ARNT2: variants seen among roughly 807,000 people sequenced by gnomAD.
ARNT2 encodes the protein ARNT protein 2.
ARNT2 carries 36 observed loss-of-function variants against 91.7 expected under a neutral mutation model. The ratio of observed to expected loss-of-function variants is 0.39; its 90% CI spans 0.30 to 0.52. ARNT2 has a LOEUF of 0.52. Among genes scored for constraint, ARNT2 ranks in the 20% least tolerant of loss-of-function variants. The probability of loss-of-function intolerance (pLI) is 0.72; values close to 1 mark genes in which losing one functional copy is unlikely to be tolerated. For synonymous variants in ARNT2, 365 were observed against 347.1 expected (o/e 1.05, Z -0.57); for missense variants, 775 against 939.3 (o/e 0.83, Z 2.29).
At chr15:80,474,778 G>A (rs1896776104) in intron 4 of ARNT2, among the ~76,000 whole-genome samples, 1 of 151,936 alleles carries the variant, frequency 6.6e-6, no homozygotes, top group Admixed American at 6.6e-5. Context: ...CCCAACAAAG[G>A]ACTAATGAAG....
rs1026050813 is a variant in ARNT2 at position 80,407,103 on chromosome 15, T to C, written c.31+2557T>C. Among the ~76,000 whole-genome samples, 18 of 152,298 alleles carry C rather than the reference T, an allele frequency of 1.2e-4. 2 individuals carry two copies. Among genetic ancestry groups the C allele is most frequent in the Admixed American group, 7.2e-4 (11 of 15,292 alleles). On this transcript the variant is annotated intron_variant, in intron 1 of 18. Transcript: ENST00000303329. The stretch of plus-strand genomic sequence containing the variant: ...TCTTCCTGCCTCCTTTCCCCAGATA[T>C]GGTTGCTTTGCAAAGAATAAGAGCT...
chr15:80,474,969 T>C, intron 4 of ARNT2, 41 bp from the exon 5 acceptor site: 1 of 1,594,358 alleles, frequency 6.3e-7, no homozygotes, highest in Non-Finnish European at 8.6e-7. Flanking sequence ...TCATCCTGGG[T>C]CTGTCAGTGT....
At position 80,461,176 on chromosome 15, in the gene ARNT2, A is replaced by ATTG. The variant is rs796852685; in HGVS notation, c.194+3202_194+3204dup. ...GTAAAAACTTTAGACCCCATTTGAG[A>ATTG]TTGTGGACCACCAATGTGAGGTGGC... is the stretch of plus-strand genomic sequence containing the variant. On this transcript the variant is annotated intron_variant, in intron 3 of 18. Coordinates refer to ENST00000303329, the MANE Select transcript of ARNT2 (RefSeq NM_014862.4). Among the ~76,000 whole-genome samples the ATTG allele has an allele frequency of 3.3e-5, 5 of 152,306 alleles. No homozygotes were observed. In the South Asian group the frequency reaches 8.3e-4, roughly 25 times the overall value.
chr15:80,528,190 G>A lies in ARNT2; in HGVS notation c.877+13785G>A, dbSNP rs532384330. Among the ~76,000 whole-genome samples, 234 of 152,212 alleles carry A rather than the reference G, an allele frequency of 1.5e-3. 2 individuals carry two copies. The highest frequency in any genetic ancestry group is 3.9e-3 in the African/African-American group (164 of 41,524). ...GACTGGGATGAAGTAGGCCACAGGCGGGGGTGGCAAGGACCACAGCTGGCG... is the reference window on the plus strand; with the variant it reads ...GACTGGGATGAAGTAGGCCACAGGCAGGGGTGGCAAGGACCACAGCTGGCG... On this transcript the variant is annotated intron_variant, in intron 8 of 18. Coordinates refer to ENST00000303329, the MANE Select transcript of ARNT2 (RefSeq NM_014862.4).
intron 18 of ARNT2, among the ~76,000 whole-genome samples, chr15:80,592,360 C>T (rs1893294722): frequency 6.6e-6 from 1 of 152,230 alleles, no homozygotes; most frequent in African/African-American, 2.4e-5. Flanking sequence ...AACATTCCTA[C>T]TGGAAGGCTT....
At chr15:80,476,236 A>G (rs1259803800) in intron 5 of ARNT2, among the ~76,000 whole-genome samples, 19 of 152,172 alleles carry the variant, frequency 1.2e-4, no homozygotes, top group Non-Finnish European at 5.9e-5. Context: ...GGAGAGTTTT[A>G]ACTCCAAATG....
intron 1 of ARNT2, among the ~76,000 whole-genome samples, chr15:80,412,378 C>T (rs1045626371): frequency 3.3e-5 from 5 of 152,186 alleles, no homozygotes; most frequent in Non-Finnish European, 5.9e-5. Context: ...TTTTCCCCCA[C>T]AATAAAGATC....
chr15:80,438,095 T>C (rs1356068653), intron 1 of ARNT2, among the ~76,000 whole-genome samples: 1 of 152,318 alleles, frequency 6.6e-6, no homozygotes, highest in South Asian at 2.1e-4. Flanking sequence ...AATGAAAATA[T>C]GACATTCTAA....
chr15:80,557,912 A>T (rs1197118831), intron 11 of ARNT2, among the ~76,000 whole-genome samples: 1 of 152,228 alleles, frequency 6.6e-6, no homozygotes, highest in Non-Finnish European at 1.5e-5. Flanking sequence ...TACTTAAAAC[A>T]TGCCAACAGG....
intron 2 of ARNT2, 30 bp downstream of exon 2, chr15:80,451,024 G>T: frequency 1.9e-6 from 3 of 1,596,570 alleles, no homozygotes; most frequent in Non-Finnish European, 2.6e-6. Context: ...CCAGGAATTG[G>T]CTTAATAAAT....
At chr15:80,435,550 C>A (rs141087092) in intron 1 of ARNT2, among the ~76,000 whole-genome samples, 1 of 152,280 alleles carries the variant, frequency 6.6e-6, no homozygotes, top group Non-Finnish European at 1.5e-5. Context: ...CTGCCCCCCT[C>A]CCATGCACAT....
chr15:80,491,467 G>A (rs533075189), intron 5 of ARNT2, among the ~76,000 whole-genome samples: 35 of 152,192 alleles, frequency 2.3e-4, no homozygotes, highest in Non-Finnish European at 2.9e-4. Context: ...TCCCTTCAAC[G>A]ACATGTGGGA....
rs1024330149 is a variant in ARNT2 at position 80,430,154 on chromosome 15, AG to A, written c.32-20724del. 2.4e-4 allele frequency among the ~76,000 whole-genome samples: 37 copies of A among 152,074 alleles called. 3 individuals are homozygous for A. The highest frequency in any genetic ancestry group is 4.4e-5 in the Non-Finnish European group (3 of 67,998). ...TTCCTGGTGCCACCCAGAGCTTCCT[AG>A]GTCCTCTGACTTGATACCACAGCTA... On this transcript the variant is annotated intron_variant, in intron 1 of 18. Transcript: ENST00000303329.
intron 1 of ARNT2, among the ~76,000 whole-genome samples, chr15:80,448,874 A>G (rs1896344587): frequency 1.3e-5 from 2 of 152,056 alleles, no homozygotes; most frequent in Admixed American, 6.6e-5. Flanking sequence ...AGTCCCAGCT[A>G]CTCGGGAGGC....
intron 5 of ARNT2, among the ~76,000 whole-genome samples, chr15:80,507,381 G>T (rs188008680): frequency 3.6e-4 from 55 of 152,206 alleles, no homozygotes; most frequent in African/African-American, 1.2e-3. Flanking sequence ...AGGGAGAGGA[G>T]GGACTCGGGG....
intron 1 of ARNT2, among the ~76,000 whole-genome samples, chr15:80,427,681 C>T (rs1186939310): frequency 6.6e-6 from 1 of 152,110 alleles, no homozygotes; most frequent in Non-Finnish European, 1.5e-5. Flanking sequence ...TTATTTTAAC[C>T]CTGTAGTCAC....
chr15:80,576,806 T>C, intron 14 of ARNT2, 60 bp from the exon 15 acceptor site: 2 of 1,578,488 alleles, frequency 1.3e-6, no homozygotes, highest in Non-Finnish European at 1.7e-6. Flanking sequence ...TGGGGCAGCC[T>C]CCTCTGTGGT....
chr15:80,451,300 A>G (rs543014659), intron 2 of ARNT2, among the ~76,000 whole-genome samples: 10 of 152,372 alleles, frequency 6.6e-5, no homozygotes, highest in African/African-American at 2.4e-4. Flanking sequence ...TGAGCCTCCA[A>G]GCCAGATTTG....
intron 12 of ARNT2, among the ~76,000 whole-genome samples, chr15:80,572,591 T>C (rs919735254): frequency 2.6e-5 from 4 of 151,934 alleles, no homozygotes; most frequent in Non-Finnish European, 5.9e-5. Context: ...CTCCATGGGG[T>C]TCCCCACCAC....
Sources: allele counts gnomAD v4.1 joint callset (sites outside exome capture counted in the v4.1 genomes callset), GRCh38; gene constraint gnomAD v4.1.1; transcripts MANE v1.5; gene names NCBI Gene and HGNC (gene_info 2026-07-23, HGNC 2026-07-21).